TM2D1: variants seen among roughly 807,000 people sequenced by gnomAD.
The protein encoded by TM2D1 is TM2 domain-containing protein 1.
A neutral mutation model predicts 28.4 loss-of-function variants in TM2D1; 15 were observed. The observed-to-expected ratio is 0.53, with a 90% confidence interval of 0.35 to 0.81. The LOEUF (loss-of-function observed/expected upper bound fraction) is 0.81. Ranked by LOEUF, TM2D1 falls within the 40% of genes least tolerant of loss-of-function variation. The pLI is 0.01. For synonymous variants in TM2D1, 93 were observed against 96.2 expected, an observed-to-expected ratio of 0.97 and a Z score of 0.20; for missense variants, 236 against 254.9, an observed-to-expected ratio of 0.93 and a Z score of 0.50.
At chr1:61,704,123 C>CA (rs1351109876) in intron 3 of TM2D1, among the ~76,000 whole-genome samples, 1 of 152,060 alleles carries the variant, frequency 6.6e-6, no homozygotes, top group Admixed American at 6.6e-5. Context: ...CTCCTGACCT[C>CA]AGGTGATCTG....
chr1:61,682,675 G>A (rs1422227905), intron 6 of TM2D1, among the ~76,000 whole-genome samples: 1 of 151,936 alleles, frequency 6.6e-6, no homozygotes, highest in Non-Finnish European at 1.5e-5. Flanking sequence ...CGAAGCAGGT[G>A]GATCACCTGA....
At chr1:61,695,949 T>A (rs1176136421) in intron 4 of TM2D1, 1 of 152,232 alleles carries the variant, frequency 6.6e-6, no homozygotes, top group African/African-American at 2.4e-5. Context: ...TACTCCTGTG[T>A]CCTTAGTGCC....
chr1:61,683,268 C>T, intron 6 of TM2D1, 149 bp downstream of exon 6: 1 of 322,896 alleles, frequency 3.1e-6, no homozygotes, highest in Non-Finnish European at 5.6e-6. Context: ...GACTAAAATG[C>T]TTTTCAAAGG....
chr1:61,716,430 TAA>T lies in TM2D1; in HGVS notation c.239-6995_239-6994del, dbSNP rs1014009887. On this transcript the variant is annotated intron_variant, in intron 2 of 6. Transcript: ENST00000606498. ...TTTTATATATGTATATAATTATATA[TAA>T]GTGTATAATTATATATAATTTTATA... Among the ~76,000 whole-genome samples the T allele has an allele frequency of 5.1e-3, 722 of 141,806 alleles. 3 individuals are homozygous for T. The highest frequency in any genetic ancestry group is 0.018 in the African/African-American group (663 of 36,608). 93.0% of individuals were successfully genotyped at this position (141,806 alleles called of 152,430 possible).
At chr1:61,701,075 G>A (rs1557531435) in intron 3 of TM2D1, 50 bp from the exon 4 acceptor site, 22 of 1,434,740 alleles carry the variant, frequency 1.5e-5, no homozygotes, top group African/African-American at 5.8e-5. Flanking sequence ...GAACATTTTA[G>A]AAAAAAAAAT....
At chr1:61,687,425 C>T (rs1644292158) in intron 5 of TM2D1, among the ~76,000 whole-genome samples, 1 of 152,040 alleles carries the variant, frequency 6.6e-6, no homozygotes, top group Admixed American at 6.6e-5. Flanking sequence ...TTTTACTGTA[C>T]AAAAAGCTAG....
At position 61,701,364 on chromosome 1, in the gene TM2D1, G is replaced by A. The variant is rs115765632; in HGVS notation, c.348-339C>T. On this transcript the variant is annotated intron_variant, in intron 3 of 6. Transcript: ENST00000606498. ...GTAGAGCAGGCTGTGTAGAATGCCG[G>A]GAGCCATTTAAATGGAGTGGTAAGA... 7.9e-3 allele frequency among the ~76,000 whole-genome samples: 1,177 copies of A among 149,028 alleles called. 18 individuals carry two copies. Among genetic ancestry groups the A allele is most frequent in the African/African-American group, 0.028 (1,129 of 40,660 alleles).
intron 4 of TM2D1, 37 bp downstream of exon 4, chr1:61,700,897 G>A: frequency 1.3e-6 from 2 of 1,482,490 alleles, no homozygotes; most frequent in Non-Finnish European, 1.9e-6. Context: ...TAAAATATAG[G>A]TTTCATAAGG....
At chr1:61,712,912 A>G (rs1692130) in intron 2 of TM2D1, among the ~76,000 whole-genome samples, 142,806 of 152,230 alleles carry the variant, frequency 0.94, 67,047 homozygotes, top group South Asian at 0.97. Flanking sequence ...GGGCACAGTG[A>G]CTCATGCCTG....
chr1:61,690,971 T>C (rs1483795696), intron 5 of TM2D1, among the ~76,000 whole-genome samples: 1 of 152,150 alleles, frequency 6.6e-6, no homozygotes, highest in East Asian at 1.9e-4. Flanking sequence ...GTCATATTAA[T>C]AGGAATGAAA....
intron 2 of TM2D1, among the ~76,000 whole-genome samples, chr1:61,713,095 A>T (rs1644490052): frequency 6.6e-6 from 1 of 151,112 alleles, no homozygotes; most frequent in African/African-American, 2.4e-5. Context: ...GCTTGAACCC[A>T]GGAGGCAGAG....
intron 5 of TM2D1, among the ~76,000 whole-genome samples, chr1:61,691,951 ATATATATATG>A (rs1172265421): frequency 2.2e-5 from 3 of 136,498 alleles, no homozygotes; most frequent in East Asian, 2.3e-4. Flanking sequence ...ATATATATAT[ATATATATATG>A]TATATATATA....
Position 61,725,078 on chromosome 1 carries a change from C to G in TM2D1, c.43G>C (p.Val15Leu). 6.2e-7 allele frequency: 1 copy of G among 1,613,840 alleles called. No individual in the cohort carries two copies. Among genetic ancestry groups the G allele is most frequent in the Non-Finnish European group, 8.5e-7 (1 of 1,179,886 alleles). ...WPSGPSAPEA[V>L]TARLVGVLWF... ...AGGACACCAACGAGTCTGGCCGTCA[C>G]GGCCTCCGGAGCAGACGGACCAGAC... The change falls in exon 1 of 7, where the codon GTG (valine) becomes CTG (leucine). Residue 15 changes from valine to leucine, a missense_variant. By Grantham distance (32) the Val-to-Leu change is conservative (BLOSUM62 1). Around this residue, in one of 3 missense-constraint regions of TM2D1, gnomAD observed 167 missense variants for 162.7 expected, o/e 1.03. Transcript: ENST00000606498.
intron 5 of TM2D1, chr1:61,686,962 T>A: frequency 1.0e-6 from 1 of 984,876 alleles, no homozygotes; most frequent in Non-Finnish European, 1.2e-6. Context: ...TGGGAATTTT[T>A]TTCCTCAGTA....
intron 5 of TM2D1, chr1:61,683,882 T>G (rs1275252041): frequency 5.8e-6 from 1 of 173,182 alleles, no homozygotes; most frequent in African/African-American, 2.4e-5. Flanking sequence ...TAGAGTCACA[T>G]ATTCCCAGCT....
intron 2 of TM2D1, among the ~76,000 whole-genome samples, chr1:61,709,886 C>A (rs1438150587): frequency 6.6e-6 from 1 of 152,038 alleles, no homozygotes; most frequent in Non-Finnish European, 1.5e-5. Context: ...TAATTGTTGC[C>A]ATAAATTATT....
In TM2D1 at chr1:61,689,869, A is replaced by C. The variant is rs564377935; in HGVS notation, c.513+4828T>G. 1.4e-3 allele frequency among the ~76,000 whole-genome samples: 206 copies of C among 152,270 alleles called. 1 individual carries two copies. Among genetic ancestry groups the C allele is most frequent in the Non-Finnish European group, 1.9e-3 (127 of 68,010 alleles). ...CTCAAGTGACACTGTGCAATTCAGG[A>C]ATTTAGCCCTATTATGTTTTGAATG... is the stretch of plus-strand genomic sequence containing the variant. On this transcript the variant is annotated intron_variant, in intron 5 of 6. Coordinates refer to ENST00000606498, the MANE Select transcript of TM2D1 (RefSeq NM_032027.3).
intron 5 of TM2D1, among the ~76,000 whole-genome samples, chr1:61,692,059 T>G (rs1273657262): frequency 1.3e-5 from 2 of 148,718 alleles, no homozygotes; most frequent in Non-Finnish European, 3.0e-5. Flanking sequence ...TATACAATAG[T>G]TACCCACAGC....
intron 5 of TM2D1, among the ~76,000 whole-genome samples, chr1:61,685,434 A>G (rs1223318132): frequency 2.0e-5 from 3 of 152,246 alleles, no homozygotes; most frequent in Admixed American, 6.5e-5. Flanking sequence ...TGTTTTTGAA[A>G]TTGAAGGACA....
Sources: gnomAD v4.1 joint callset for allele counts (sites outside exome capture counted in the v4.1 genomes callset) on GRCh38, gnomAD v4.1.1 for gene constraint, gnomAD v4.1.1 regional missense constraint, MANE v1.5 for transcripts, NCBI Gene and HGNC (gene_info 2026-07-23, HGNC 2026-07-21) for gene names.